DHRS9: variants seen among roughly 807,000 people sequenced by gnomAD.
DHRS9 encodes dehydrogenase/reductase 9.
A neutral mutation model predicts 26.6 loss-of-function variants in DHRS9; 18 were observed. That is an observed-to-expected ratio of 0.68 (90% CI 0.47 to 1.00). DHRS9 has a LOEUF of 1.00. Among genes scored for constraint, DHRS9 ranks in the 50% least tolerant of loss-of-function variants. The pLI, the probability that DHRS9 is intolerant of heterozygous loss-of-function variation, is 0.00. For synonymous variants in DHRS9, 134 were observed against 141.1 expected (o/e 0.95, Z 0.36); for missense variants, 425 against 378.7 (o/e 1.12, Z -1.01).
At chr2:169,075,789 A>G (rs1316499203) in intron 1 of DHRS9, among the ~76,000 whole-genome samples, 1 of 152,160 alleles carries the variant, frequency 6.6e-6, no homozygotes, top group African/African-American at 2.4e-5. Flanking sequence ...TGGATGCTCC[A>G]CAGAAGAGCT....
chr2:169,070,899 C>A (rs919588724), intron 1 of DHRS9: 17 of 283,908 alleles, frequency 6.0e-5, no homozygotes, highest in Middle Eastern at 1.7e-3. Flanking sequence ...CTGGTCTCTA[C>A]TAAAAATACA....
At chr2:169,085,698 A>G (rs983495671) in intron 3 of DHRS9, among the ~76,000 whole-genome samples, 5 of 152,118 alleles carry the variant, frequency 3.3e-5, no homozygotes, top group African/African-American at 1.2e-4. Context: ...GCTGTTAGCT[A>G]CTGATTTTTG....
chr2:169,080,434 G>A (rs1285439348), intron 1 of DHRS9, among the ~76,000 whole-genome samples: 1 of 152,218 alleles, frequency 6.6e-6, no homozygotes, highest in Non-Finnish European at 1.5e-5. Context: ...GGAGGGCTGG[G>A]CCCATGGTAC....
chr2:169,096,049 C>T lies in DHRS9; in HGVS notation c.*282C>T. On this transcript the variant is annotated 3_prime_UTR_variant, in exon 5 of 5. Transcript: ENST00000674881. ...GATGTAAGGGAAATTGAAAGACTTG[C>T]CCATTCAAAATGATCTTTACCGTGG... The T allele has an allele frequency of 4.6e-6, 2 of 438,072 alleles. No individual in the cohort carries two copies. The highest frequency in any genetic ancestry group is 5.9e-5 in the South Asian group (2 of 33,766). 27.1% of individuals were successfully genotyped at this position (438,072 alleles called of 1,614,324 possible). A position where few individuals can be genotyped will look rare whatever the true frequency, so the allele number is the denominator to read the frequency against.
chr2:169,082,389 A>G (rs917245791), intron 2 of DHRS9, among the ~76,000 whole-genome samples: 15 of 152,188 alleles, frequency 9.9e-5, no homozygotes, highest in Non-Finnish European at 2.1e-4. Context: ...TAGAGTAGTG[A>G]GCCTTTGGAT....
At chr2:169,079,928 A>G (rs868585886) in intron 1 of DHRS9, among the ~76,000 whole-genome samples, 38 of 8,592 alleles carry the variant, frequency 4.4e-3, no homozygotes, top group African/African-American at 0.011. Flanking sequence ...GGGGAGAGAG[A>G]GAGAGAGAGA....
At chr2:169,094,483 T>A (rs964598512) in intron 4 of DHRS9, among the ~76,000 whole-genome samples, 12 of 152,112 alleles carry the variant, frequency 7.9e-5, no homozygotes, top group African/African-American at 2.9e-4. Flanking sequence ...TGGGGTCATA[T>A]CCAAAGAAAT....
intron 3 of DHRS9, among the ~76,000 whole-genome samples, chr2:169,088,164 G>A (rs1000708505): frequency 6.6e-6 from 1 of 152,214 alleles, no homozygotes; most frequent in African/African-American, 2.4e-5. Flanking sequence ...TCAGGTTCCA[G>A]CTACTGAAAT....
chr2:169,068,116 C>T (rs1405441394), upstream of DHRS9, among the ~76,000 whole-genome samples: 2 of 152,196 alleles, frequency 1.3e-5, no homozygotes, highest in Non-Finnish European at 2.9e-5. Context: ...GTGCATGAGG[C>T]TCTCTTCTCC....
chr2:169,091,197 G>T (rs928651271), intron 3 of DHRS9, among the ~76,000 whole-genome samples: 8 of 151,254 alleles, frequency 5.3e-5, no homozygotes, highest in Non-Finnish European at 8.8e-5. Flanking sequence ...GGAATGAGTA[G>T]GCTTTTAGTT....
chr2:169,089,019 C>T (rs1185952523), intron 3 of DHRS9, among the ~76,000 whole-genome samples: 1 of 152,206 alleles, frequency 6.6e-6, no homozygotes, highest in Admixed American at 6.5e-5. Flanking sequence ...GAACTTATCA[C>T]CATCAGTTCA....
chr2:169,087,180 G>A (rs992705611), intron 3 of DHRS9, among the ~76,000 whole-genome samples: 1 of 152,170 alleles, frequency 6.6e-6, no homozygotes, highest in Non-Finnish European at 1.5e-5. Flanking sequence ...GGTTGAGCCA[G>A]CATCCAAACC....
intron 1 of DHRS9, among the ~76,000 whole-genome samples, chr2:169,072,048 T>G (rs906206983): frequency 5.3e-5 from 8 of 150,654 alleles, no homozygotes; most frequent in African/African-American, 2.0e-4. Context: ...CAAAAACCAG[T>G]TTTTTTTTAC....
chr2:169,073,586 G>A (rs560856851), intron 1 of DHRS9, among the ~76,000 whole-genome samples: 140 of 152,280 alleles, frequency 9.2e-4, no homozygotes, highest in Non-Finnish European at 1.5e-3. Context: ...AAACCTTGAG[G>A]GAGGGAACAG....
chr2:169,078,459 G>A (rs1039615492), intron 1 of DHRS9, among the ~76,000 whole-genome samples: 6 of 152,130 alleles, frequency 3.9e-5, no homozygotes, highest in African/African-American at 1.2e-4. Context: ...GCCTTTCGGT[G>A]ATTATTTACT....
chr2:169,093,331 A>AACACACACACACAC (rs58377569), intron 4 of DHRS9, among the ~76,000 whole-genome samples: 5 of 150,924 alleles, frequency 3.3e-5, no homozygotes, highest in African/African-American at 9.8e-5. Flanking sequence ...CATTACCCTA[A>AACACACACACACAC]ACACACACAC....
Position 169,083,381 on chromosome 2 carries a change from T to G in DHRS9, c.366T>G (p.Thr122=). Residue 122 remains threonine, a synonymous_variant, in exon 3 of 5, where the codon ACT becomes ACG. Transcript: ENST00000674881. ...GTGTTCCCGGCGTGCTGGCTCCCACTGACTGGCTGACACTAGAGGACTACA... is the reference window on the plus strand; with the variant it reads ...GTGTTCCCGGCGTGCTGGCTCCCACGGACTGGCTGACACTAGAGGACTACA... ...NAGVPGVLAP[T]DWLTLEDYRE... is the part of the protein sequence containing the mutation. The G allele has an allele frequency of 6.2e-7, 1 of 1,614,160 alleles. No homozygotes were observed. The highest frequency in any genetic ancestry group is 1.1e-5 in the South Asian group (1 of 91,082).
intron 1 of DHRS9, chr2:169,070,302 C>A: frequency 3.0e-6 from 3 of 985,400 alleles, no homozygotes; most frequent in Non-Finnish European, 3.6e-6. Context: ...CAGCAATAAG[C>A]CTGCTTTAGA....
intron 3 of DHRS9, among the ~76,000 whole-genome samples, chr2:169,090,695 G>A (rs1684492959): frequency 6.6e-6 from 1 of 152,078 alleles, no homozygotes; most frequent in Admixed American, 6.6e-5. Flanking sequence ...TCAAATTTAG[G>A]AAACGACTAT....
Sources: gnomAD v4.1 joint callset for allele counts (sites outside exome capture counted in the v4.1 genomes callset) on GRCh38, gnomAD v4.1.1 for gene constraint, MANE v1.5 for transcripts, NCBI Gene and HGNC (gene_info 2026-07-23, HGNC 2026-07-21) for gene names.